SULT1C2: variants seen among roughly 807,000 people sequenced by gnomAD.
SULT1C2 encodes sulfotransferase family 1C member 2.
SULT1C2 carries 27 observed loss-of-function variants against 36.0 expected under a neutral mutation model. The observed-to-expected ratio is 0.75, with a 90% confidence interval of 0.55 to 1.03. SULT1C2 has a LOEUF of 1.03. Among genes scored for constraint, SULT1C2 ranks in the 50% least tolerant of loss-of-function variants. SULT1C2 has a pLI of 0.00. For synonymous variants in SULT1C2, 121 were observed against 116.0 expected, an observed-to-expected ratio of 1.04 and a Z score of -0.27; for missense variants, 395 against 359.2, an observed-to-expected ratio of 1.10 and a Z score of -0.80.
intron 3 of SULT1C2, among the ~76,000 whole-genome samples, chr2:108,297,065 G>T (rs1026447763): frequency 1.3e-5 from 2 of 152,240 alleles, no homozygotes; most frequent in Admixed American, 1.3e-4. Flanking sequence ...GCATGTGTAT[G>T]CATATGCATG....
At chr2:108,291,143 T>C (rs1361284109) in intron 1 of SULT1C2, among the ~76,000 whole-genome samples, 1 of 152,194 alleles carries the variant, frequency 6.6e-6, no homozygotes, top group Non-Finnish European at 1.5e-5. Flanking sequence ...GGAGGTCCCA[T>C]TTGCTTGTTG....
rs768844395 is a variant in SULT1C2 at position 108,289,012 on chromosome 2, C to G, written c.-80C>G. Reference sequence around the variant, plus strand: ...GTCTGCTTCCTGTGAAAGTCCTTTCCGTGCCCACTGACCCTTGAGTGGGCC... The same window carrying G: ...GTCTGCTTCCTGTGAAAGTCCTTTCGGTGCCCACTGACCCTTGAGTGGGCC... On this transcript the variant is annotated 5_prime_UTR_variant, in exon 1 of 8. Transcript: ENST00000251481. The G allele has an allele frequency of 6.6e-6, 1 of 152,598 alleles. No homozygotes were observed. Among genetic ancestry groups the G allele is most frequent in the Admixed American group, 6.5e-5 (1 of 15,270 alleles). The allele number at this position is 152,598 out of a possible 1,614,324, so 9.5% of individuals were successfully genotyped here.
At chr2:108,301,261 C>T (rs1676862647) in intron 4 of SULT1C2, 2 of 254,604 alleles carry the variant, frequency 7.9e-6, no homozygotes, top group African/African-American at 4.4e-5. Flanking sequence ...TTCTAACAGA[C>T]CAGGGAGGGA....
intron 1 of SULT1C2, among the ~76,000 whole-genome samples, chr2:108,292,253 A>C (rs1171281145): frequency 6.6e-6 from 1 of 152,206 alleles, no homozygotes; most frequent in East Asian, 1.9e-4. Flanking sequence ...GTTAGCTTTT[A>C]ACTACTATTT....
At position 108,291,823 on chromosome 2, in the gene SULT1C2, T is replaced by C. The variant is rs138238180; in HGVS notation, c.-21-1824T>C. Among the ~76,000 whole-genome samples the C allele has an allele frequency of 4.7e-4, 72 of 152,344 alleles. 1 individual carries two copies. In the Middle Eastern group the frequency reaches 0.01, roughly 22 times the overall value. On this transcript the variant is annotated intron_variant, in intron 1 of 7. Coordinates refer to ENST00000251481, the MANE Select transcript of SULT1C2 (RefSeq NM_001056.4). ...AACATAGAAGGCCTGCAAGAAATGT[T>C]TGTTCTTATCCCTCCTCTCCTGAAT... is the stretch of plus-strand genomic sequence containing the variant.
intron 4 of SULT1C2, chr2:108,301,537 C>T (rs183281140): frequency 0.012 from 1,783 of 152,498 alleles, 14 homozygotes; most frequent in Non-Finnish European, 0.018. Context: ...GCCGAGATCA[C>T]GCCACTGCAC....
Position 108,304,478 on chromosome 2 carries a change from G to A in SULT1C2, c.376-96G>A, listed in dbSNP as rs1676968738. 1.5e-5 allele frequency: 21 copies of A among 1,426,402 alleles called. No individual in the cohort carries two copies. In the South Asian group the frequency reaches 2.7e-4, roughly 18 times the overall value. The allele number at this position is 1,426,402 out of a possible 1,614,324, so 88.4% of individuals were successfully genotyped here. A position where few individuals can be genotyped will look rare whatever the true frequency, so the allele number is the denominator to read the frequency against. The stretch of plus-strand genomic sequence containing the variant: ...GCCAGCACTGCAGAACTGAGCCAGA[G>A]TGCACAGCAACCCTCAGGATGGCTC... On this transcript the variant is annotated intron_variant, in intron 4 of 7. Transcript: ENST00000251481.
chr2:108,305,793 G>C, intron 7 of SULT1C2, 198 bp downstream of exon 7: 1 of 659,432 alleles, frequency 1.5e-6, no homozygotes, highest in South Asian at 2.0e-5. Context: ...TTGGTTGCAA[G>C]GAACAGAGAG....
In SULT1C2 at chr2:108,305,186, T is replaced by C; in HGVS notation, c.517T>C (p.Trp173Arg). ...FINGKVVWGSWFDHVKGWWEM... is the reference protein window; with the variant it reads ...FINGKVVWGSRFDHVKGWWEM... ...GTCTATTTCAGTGGTTTGGGGTTCCTGGTTTGACCACGTGAAAGGATGGTG... is the reference window on the plus strand; with the variant it reads ...GTCTATTTCAGTGGTTTGGGGTTCCCGGTTTGACCACGTGAAAGGATGGTG... Residue 173 changes from tryptophan (W) to arginine (R), a missense_variant, in exon 6 of 8, where the codon TGG becomes CGG. Transcript: ENST00000251481. 1 of 1,614,226 alleles carries C rather than the reference T, an allele frequency of 6.2e-7. No homozygotes were observed. The highest frequency in any genetic ancestry group is 8.5e-7 in the Non-Finnish European group (1 of 1,180,036).
At chr2:108,305,775 TC>T in intron 7 of SULT1C2, 180 bp downstream of exon 7, 1 of 787,180 alleles carries the variant, frequency 1.3e-6, no homozygotes, top group Non-Finnish European at 2.0e-6. Context: ...AGGGTATTGT[TC>T]CAGTATTTGG....
chr2:108,299,599 GTTC>G (rs542648023), intron 3 of SULT1C2: 1 of 152,344 alleles, frequency 6.6e-6, no homozygotes, highest in East Asian at 1.9e-4. Flanking sequence ...GAGCTTTGCA[GTTC>G]TTCTAAGGAA....
Position 108,288,917 on chromosome 2 carries a change from A to G in SULT1C2, c.-175A>G, listed in dbSNP as rs1305592352. On this transcript the variant is annotated 5_prime_UTR_variant, in exon 1 of 8. Transcript: ENST00000251481. ...CCCACACTGAAGCTGAGAGCCTCCC[A>G]AAGTGCTGGCTACCTGCTGAGCGCC... 6.6e-6 allele frequency: 1 copy of G among 152,574 alleles called. No homozygotes were observed. Among genetic ancestry groups the G allele is most frequent in the Non-Finnish European group, 1.5e-5 (1 of 68,046 alleles). 9.5% of individuals were successfully genotyped at this position (152,574 alleles called of 1,614,324 possible).
intron 3 of SULT1C2, 191 bp from the exon 4 acceptor site, chr2:108,300,647 C>T: frequency 4.3e-6 from 4 of 927,008 alleles, no homozygotes; most frequent in Non-Finnish European, 6.0e-6. Flanking sequence ...AGGCCCCATC[C>T]AGGACTCAAG....
Position 108,294,215 on chromosome 2 carries a change from T to G in SULT1C2, c.152-14T>G, listed in dbSNP as rs530250952. The G allele has an allele frequency of 9.9e-6, 16 of 1,613,286 alleles. No homozygotes were observed. In the South Asian group the frequency reaches 1.4e-4, roughly 14 times the overall value. On this transcript the variant is annotated splice_polypyrimidine_tract_variant and intron_variant, in intron 2 of 7. Coordinates refer to ENST00000251481, the MANE Select transcript of SULT1C2 (RefSeq NM_001056.4). ...ACAGATTTCTGCTTCTCATCCTTCC[T>G]TTCTGAGCCTCAGGGACAACGTGGA...
rs1677103905 is a variant in SULT1C2 at position 108,309,526 on chromosome 2, A to G, written c.*1062A>G. On this transcript the variant is annotated 3_prime_UTR_variant, in exon 8 of 8. Coordinates refer to ENST00000251481, the MANE Select transcript of SULT1C2 (RefSeq NM_001056.4). ...TTTTAGTCCCAAATAGTGGCATTCC[A>G]TAGCTGAGGGTAGTAGGAGCAGTTC... The G allele has an allele frequency of 2.0e-5, 3 of 152,218 alleles. No individual in the cohort carries two copies. The highest frequency in any genetic ancestry group is 4.4e-5 in the Non-Finnish European group (3 of 68,030). The allele number at this position is 152,218 out of a possible 1,614,324, so 9.4% of individuals were successfully genotyped here.
chr2:108,297,710 T>TG (rs1558678603), intron 3 of SULT1C2, among the ~76,000 whole-genome samples: 2 of 151,696 alleles, frequency 1.3e-5, no homozygotes, highest in African/African-American at 2.4e-5. Context: ...GGCGAGGGTG[T>TG]GGGGGGGCAG....
intron 3 of SULT1C2, chr2:108,300,635 TA>T: frequency 1.2e-6 from 1 of 804,036 alleles, no homozygotes; most frequent in Non-Finnish European, 1.8e-6. Context: ...AAATTAACTC[TA>T]AGGCCCCATC....
chr2:108,305,067 G>C, intron 5 of SULT1C2, 105 bp from the exon 6 acceptor site: 1 of 1,266,946 alleles, frequency 7.9e-7, no homozygotes. Flanking sequence ...ATCTAATACA[G>C]AATTTGGGTT....
At chr2:108,298,785 T>G (rs887600237) in intron 3 of SULT1C2, 4 of 219,880 alleles carry the variant, frequency 1.8e-5, no homozygotes, top group Non-Finnish European at 3.8e-5. Context: ...TTCTAGCTCT[T>G]GTTCATAGGG....
Sources: allele counts gnomAD v4.1 joint callset (sites outside exome capture counted in the v4.1 genomes callset), GRCh38; gene constraint gnomAD v4.1.1; transcripts MANE v1.5; gene names NCBI Gene and HGNC (gene_info 2026-07-23, HGNC 2026-07-21).